Variants in USH2A observed in about 807,000 individuals in gnomAD.
USH2A encodes the protein Usher syndrome 2A (autosomal recessive, mild).
USH2A carries 443 observed loss-of-function variants against 538.9 expected under a neutral mutation model. That is an observed-to-expected ratio of 0.82 (90% CI 0.76 to 0.89). The LOEUF (loss-of-function observed/expected upper bound fraction) is 0.89, where lower values mean the gene tolerates loss of function less well. Among genes scored for constraint, USH2A ranks in the 40% least tolerant of loss-of-function variants. The pLI, the probability that USH2A is intolerant of heterozygous loss-of-function variation, is 0.00. For synonymous variants in USH2A, 2,413 were observed against 2,273.5 expected (o/e 1.06, Z -1.75); for missense variants, 6,633 against 6,324.8 (o/e 1.05, Z -1.65).
chr1:215,842,053 G>A (rs777317056), intron 46 of USH2A, among the ~76,000 whole-genome samples: 3 of 152,204 alleles, frequency 2.0e-5, no homozygotes, highest in Non-Finnish European at 4.4e-5. Flanking sequence ...GCTGGGTGCA[G>A]TGGCTCACAC....
At chr1:216,416,942 A>G (rs1296033040) in intron 3 of USH2A, among the ~76,000 whole-genome samples, 3 of 152,162 alleles carry the variant, frequency 2.0e-5, no homozygotes, top group Non-Finnish European at 2.9e-5. Flanking sequence ...TTAAAACCCA[A>G]TTCTGTAGGA....
In USH2A at chr1:216,246,698, A is replaced by T; in HGVS notation, c.2696T>A (p.Met899Lys). 9.3e-6 allele frequency: 15 copies of T among 1,614,106 alleles called. No homozygotes were observed. Among genetic ancestry groups the T allele is most frequent in the Non-Finnish European group, 1.3e-5 (15 of 1,179,974 alleles). ...LTIDNFQHCQ[M>K]CECDSLGTLP... is the part of the protein sequence containing the mutation. ...TGTCCCCAAGGAATCACACTCACAC[A>T]TCTGGCAGTGTTGAAAATTGTCAAT... Residue 899 changes from methionine to lysine, a missense_variant, in exon 13 of 72, where the codon ATG becomes AAG. Physicochemically the swap from Met to Lys is moderately conservative, Grantham distance 95. Coordinates refer to ENST00000307340, the MANE Select transcript of USH2A (RefSeq NM_206933.4).
At chr1:216,018,178 C>T (rs1668761906) in intron 32 of USH2A, among the ~76,000 whole-genome samples, 1 of 152,238 alleles carries the variant, frequency 6.6e-6, no homozygotes, top group South Asian at 2.1e-4. Flanking sequence ...GTAGAATTTC[C>T]CAGTCAAAGA....
intron 56 of USH2A, among the ~76,000 whole-genome samples, chr1:215,760,936 A>C (rs1263822732): frequency 6.6e-6 from 1 of 152,176 alleles, no homozygotes; most frequent in Non-Finnish European, 1.5e-5. Flanking sequence ...AGCCAGTGTC[A>C]TCTTTATGAA....
chr1:216,297,048 G>A (rs1313587369), intron 9 of USH2A, among the ~76,000 whole-genome samples: 1 of 151,832 alleles, frequency 6.6e-6, no homozygotes, highest in African/African-American at 2.4e-5. Flanking sequence ...ATTTAAAATG[G>A]GTTGTTTCAT....
intron 14 of USH2A, among the ~76,000 whole-genome samples, chr1:216,228,009 G>A (rs1273232482): frequency 6.6e-6 from 1 of 152,138 alleles, no homozygotes; most frequent in Non-Finnish European, 1.5e-5. Context: ...CAGGCTAGAA[G>A]TAGAAGACAG....
chr1:216,325,899 C>T (rs1031097596), intron 5 of USH2A, among the ~76,000 whole-genome samples: 2 of 151,920 alleles, frequency 1.3e-5, no homozygotes, highest in Non-Finnish European at 2.9e-5. Context: ...AATATTTTAC[C>T]GTGTCTATTT....
At chr1:216,342,871 C>T (rs528433298) in intron 4 of USH2A, among the ~76,000 whole-genome samples, 9 of 151,780 alleles carry the variant, frequency 5.9e-5, no homozygotes, top group African/African-American at 2.2e-4. Context: ...TCAGGACAAA[C>T]AGTTAAGGCA....
chr1:215,914,071 T>C (rs1665885275), intron 38 of USH2A, among the ~76,000 whole-genome samples: 1 of 135,046 alleles, frequency 7.4e-6, no homozygotes, highest in Admixed American at 7.3e-5. Context: ...CAACAGACTT[T>C]TTTTTTTTTT....
intron 40 of USH2A, among the ~76,000 whole-genome samples, chr1:215,899,319 C>T (rs983994798): frequency 2.0e-5 from 3 of 152,158 alleles, no homozygotes; most frequent in Non-Finnish European, 4.4e-5. Flanking sequence ...ACAAGATTAA[C>T]TCAAAAAACC....
intron 3 of USH2A, among the ~76,000 whole-genome samples, chr1:216,412,169 A>G (rs1352539141): frequency 6.6e-6 from 1 of 152,098 alleles, no homozygotes; most frequent in African/African-American, 2.4e-5. Context: ...CCAATTTGTA[A>G]TGGGTATCCT....
chr1:215,759,914 C>T (rs1660930630), intron 56 of USH2A, 71 bp from the exon 57 acceptor site: 20 of 1,570,622 alleles, frequency 1.3e-5, no homozygotes, highest in Non-Finnish European at 1.8e-5. Context: ...TCACACCATC[C>T]CCCCCATGAA....
chr1:215,889,738 A>G (rs748904524), intron 40 of USH2A, among the ~76,000 whole-genome samples: 3 of 152,130 alleles, frequency 2.0e-5, no homozygotes, highest in Non-Finnish European at 4.4e-5. Flanking sequence ...ATTATCATAA[A>G]GGTTCAGGAG....
At chr1:216,402,598 C>G (rs1203083273) in intron 3 of USH2A, among the ~76,000 whole-genome samples, 1 of 152,052 alleles carries the variant, frequency 6.6e-6, no homozygotes, top group African/African-American at 2.4e-5. Context: ...TATTTATCTT[C>G]CTTATAATTA....
At chr1:215,862,346 T>C (rs1225369053) in intron 44 of USH2A, among the ~76,000 whole-genome samples, 3 of 151,722 alleles carry the variant, frequency 2.0e-5, no homozygotes, top group East Asian at 1.9e-4. Flanking sequence ...TTCTCACTCA[T>C]AGTTGGGAAT....
chr1:215,762,290 C>T (rs769812479), intron 56 of USH2A, among the ~76,000 whole-genome samples: 29 of 152,152 alleles, frequency 1.9e-4, no homozygotes, highest in Admixed American at 8.5e-4. Context: ...TAATCTGCTT[C>T]CTGCAGTTAT....
At chr1:215,664,847 G>T (rs897952392) in intron 64 of USH2A, among the ~76,000 whole-genome samples, 1 of 152,126 alleles carries the variant, frequency 6.6e-6, no homozygotes, top group Non-Finnish European at 1.5e-5. Context: ...CACTGAATCT[G>T]CAGGTGCCTT....
intron 61 of USH2A, among the ~76,000 whole-genome samples, chr1:215,693,116 G>GTGTGTGTATA (rs112153911): frequency 7.5e-6 from 1 of 133,516 alleles, no homozygotes; most frequent in African/African-American, 2.7e-5. Context: ...GTGTGTATGT[G>GTGTGTGTATA]TATATATATA....
rs563462632 is a variant in USH2A at position 216,036,369 on chromosome 1, T to C, written c.6325+10062A>G. ...AAAAAAAGCAATACCAGACTCCCAT[T>C]ATTAAGAGATAATCACTATTAGTAT... is the stretch of plus-strand genomic sequence containing the variant. On this transcript the variant is annotated intron_variant, in intron 32 of 71. Coordinates refer to ENST00000307340, the MANE Select transcript of USH2A (RefSeq NM_206933.4). Among the ~76,000 whole-genome samples, 8 of 152,248 alleles carry C rather than the reference T, an allele frequency of 5.3e-5. No homozygotes were observed. In the East Asian group the frequency reaches 1.3e-3, roughly 26 times the overall value.
Sources: gnomAD v4.1 joint callset for allele counts (sites outside exome capture counted in the v4.1 genomes callset) on GRCh38, gnomAD v4.1.1 for gene constraint, MANE v1.5 for transcripts, NCBI Gene and HGNC (gene_info 2026-07-23, HGNC 2026-07-21) for gene names.